The following USP33 variants were observed in gnomAD, a reference collection of about 807,000 sequenced individuals.
USP33 encodes the protein ubiquitin carboxyl-terminal hydrolase 33.
Under a neutral mutation model 124.2 loss-of-function variants are expected in USP33, and 46 were observed. That is an observed-to-expected ratio of 0.37 (90% CI 0.29 to 0.47). The LOEUF is 0.47. USP33 is among the 20% of genes least tolerant of loss of function. The pLI, the probability that USP33 is intolerant of heterozygous loss-of-function variation, is 0.99. For missense variants in USP33, 851 were observed against 1,070.6 expected (o/e 0.79, Z 2.86); for synonymous variants, 350 against 352.3 (o/e 0.99, Z 0.07).
Position 77,697,360 on chromosome 1 carries a change from A to G in USP33, c.2693T>C (p.Leu898Pro), listed in dbSNP as rs757700348. Residue 898 changes from leucine (L) to proline (P), a missense_variant, in exon 24 of 24, where the codon CTT becomes CCT. By Grantham distance (98) the Leu-to-Pro change is moderately conservative (BLOSUM62 -3). Transcript: ENST00000370794. ...TACTTCAATTTTTTCTTCTGCTTGAAGTATATCTGGATCAACATGAACAAC... is the reference window on the plus strand; with the variant it reads ...TACTTCAATTTTTTCTTCTGCTTGAGGTATATCTGGATCAACATGAACAAC... The part of the protein sequence containing the change: ...PPVVHVDPDI[L>P]QAEEKIEVET... 6.2e-7 allele frequency: 1 copy of G among 1,611,102 alleles called. No homozygotes were observed.
intron 1 of USP33, among the ~76,000 whole-genome samples, chr1:77,752,844 G>A (rs1365080070): frequency 1.3e-5 from 2 of 152,114 alleles, no homozygotes; most frequent in African/African-American, 4.8e-5. Flanking sequence ...TTGCGAGGCC[G>A]AGGCCGGTGG....
chr1:77,707,186 A>G (rs1414707245), intron 21 of USP33, among the ~76,000 whole-genome samples: 1 of 152,220 alleles, frequency 6.6e-6, no homozygotes, highest in East Asian at 1.9e-4. Flanking sequence ...AATGCCACAA[A>G]TTTGGTAAAT....
chr1:77,742,675 G>C (rs572236510), intron 1 of USP33, among the ~76,000 whole-genome samples: 1 of 152,080 alleles, frequency 6.6e-6, no homozygotes, highest in South Asian at 2.1e-4. Context: ...TTAATAACAG[G>C]GCTTTTCATG....
At chr1:77,713,314 CT>C in intron 19 of USP33, 33 bp from the exon 20 acceptor site, 1 of 1,520,438 alleles carries the variant, frequency 6.6e-7, no homozygotes, top group Non-Finnish European at 8.9e-7. Flanking sequence ...CTGTTTCATG[CT>C]TTTAATTATA....
chr1:77,739,190 T>C, intron 5 of USP33, 75 bp downstream of exon 5: 1 of 1,522,508 alleles, frequency 6.6e-7, no homozygotes, highest in Non-Finnish European at 8.8e-7. Context: ...CTTTTGAAAA[T>C]TTCAGCTACA....
intron 19 of USP33, 188 bp from the exon 20 acceptor site, chr1:77,713,469 A>G: frequency 4.0e-6 from 2 of 503,458 alleles, no homozygotes; most frequent in Non-Finnish European, 6.7e-6. Flanking sequence ...CAGCAGCCTC[A>G]AAATTCCTGG....
intron 11 of USP33, among the ~76,000 whole-genome samples, chr1:77,723,863 A>G (rs2101407748): frequency 6.6e-6 from 1 of 151,908 alleles, no homozygotes; most frequent in South Asian, 2.1e-4. Flanking sequence ...ACAGGGTTTC[A>G]CCATGTTAGC....
chr1:77,722,840 CATG>C (rs1047464254), intron 12 of USP33, among the ~76,000 whole-genome samples: 2 of 152,262 alleles, frequency 1.3e-5, no homozygotes, highest in Non-Finnish European at 2.9e-5. Context: ...TTAAAAAATT[CATG>C]ATGATTTTAA....
intron 21 of USP33, among the ~76,000 whole-genome samples, chr1:77,704,676 T>C (rs1674419616): frequency 6.6e-6 from 1 of 152,242 alleles, no homozygotes; most frequent in Non-Finnish European, 1.5e-5. Flanking sequence ...CTTCTGTTTA[T>C]CTTTTTGTGC....
intron 16 of USP33, among the ~76,000 whole-genome samples, chr1:77,718,348 T>C (rs533153601): frequency 6.6e-6 from 1 of 152,328 alleles, no homozygotes; most frequent in African/African-American, 2.4e-5. Context: ...TATTTGTTTT[T>C]CTAATTTTAC....
chr1:77,757,136 C>T (rs924213022), intron 1 of USP33, among the ~76,000 whole-genome samples: 1 of 152,206 alleles, frequency 6.6e-6, no homozygotes, highest in African/African-American at 2.4e-5. Flanking sequence ...TCAAAGCTCA[C>T]TCATCTCAAA....
chr1:77,706,499 C>T (rs1674646451), intron 21 of USP33, among the ~76,000 whole-genome samples: 1 of 152,176 alleles, frequency 6.6e-6, no homozygotes, highest in Non-Finnish European at 1.5e-5. Context: ...GTCTACCTTC[C>T]TAACCCAGTG....
chr1:77,722,823 A>T (rs1676722497), intron 12 of USP33, among the ~76,000 whole-genome samples: 1 of 152,250 alleles, frequency 6.6e-6, no homozygotes. Flanking sequence ...ACTTTGAAGA[A>T]GTGTTATTAA....
intron 21 of USP33, among the ~76,000 whole-genome samples, chr1:77,709,882 T>TACACACACACAC (rs35770178): frequency 3.0e-4 from 44 of 144,888 alleles, no homozygotes; most frequent in South Asian, 1.3e-3. Context: ...TGCATACACA[T>TACACACACACAC]ACACACACAC....
chr1:77,696,345 G>A lies in USP33; in HGVS notation c.*972C>T, dbSNP rs1673441325. 1 of 152,556 alleles carries A rather than the reference G, an allele frequency of 6.6e-6. No individual in the cohort carries two copies. Among genetic ancestry groups the A allele is most frequent in the Non-Finnish European group, 1.5e-5 (1 of 68,038 alleles). The allele number at this position is 152,556 out of a possible 1,614,324, so 9.5% of individuals were successfully genotyped here. A position where few individuals can be genotyped will look rare whatever the true frequency, so the allele number is the denominator to read the frequency against. On this transcript the variant is annotated 3_prime_UTR_variant, in exon 24 of 24. Coordinates refer to ENST00000370794, the MANE Select transcript of USP33 (RefSeq NM_201624.3). ...TAGTCACTGACATTAATACTAACCA[G>A]GTTACAGGAATTGAAGTTTAACATT... is the stretch of plus-strand genomic sequence containing the variant.
intron 22 of USP33, among the ~76,000 whole-genome samples, chr1:77,699,706 G>T (rs1673790182): frequency 6.6e-6 from 1 of 152,112 alleles, no homozygotes; most frequent in East Asian, 1.9e-4. Flanking sequence ...ATATCCAAAA[G>T]AACACAATTC....
chr1:77,752,794 T>C (rs1680453853), intron 1 of USP33, among the ~76,000 whole-genome samples: 2 of 152,072 alleles, frequency 1.3e-5, no homozygotes, highest in Admixed American at 1.3e-4. Flanking sequence ...TAAGCTAAAA[T>C]TGGCTGGGCG....
rs374646011 is a variant in USP33 at position 77,715,709 on chromosome 1, A to G, written c.2045+33T>C. 7 of 1,603,298 alleles carry G rather than the reference A, an allele frequency of 4.4e-6. No individual in the cohort carries two copies. The African/African-American group carries it at 9.4e-5, about 22-fold the overall frequency. On this transcript the variant is annotated intron_variant, in intron 18 of 23. Transcript: ENST00000370794. ...CACTGATAAGCCCAAAATGTGAGAGATGTCCTTTCGCATCTACACTTATTT... is the reference window on the plus strand; with the variant it reads ...CACTGATAAGCCCAAAATGTGAGAGGTGTCCTTTCGCATCTACACTTATTT...
intron 1 of USP33, among the ~76,000 whole-genome samples, chr1:77,758,848 T>C (rs537598792): frequency 3.9e-5 from 6 of 152,124 alleles, no homozygotes; most frequent in Admixed American, 3.9e-4. Context: ...CACCTTCAAT[T>C]TAAGTCTATG....
Sources: allele counts gnomAD v4.1 joint callset (sites outside exome capture counted in the v4.1 genomes callset), GRCh38; gene constraint gnomAD v4.1.1; transcripts MANE v1.5; gene names NCBI Gene and HGNC (gene_info 2026-07-23, HGNC 2026-07-21).